Variants in ROBO2 observed in about 807,000 individuals in gnomAD.
ROBO2 encodes the protein roundabout homolog 2.
Under a neutral mutation model 160.8 loss-of-function variants are expected in ROBO2, and 53 were observed. The observed-to-expected ratio is 0.33, with a 90% confidence interval of 0.26 to 0.41. ROBO2 has a LOEUF of 0.41. Ranked by LOEUF, ROBO2 falls within the 10% of genes least tolerant of loss-of-function variation. The pLI, the probability that ROBO2 is intolerant of heterozygous loss-of-function variation, is 1.00. For missense variants in ROBO2, 1,577 were observed against 1,722.4 expected, an observed-to-expected ratio of 0.92 and a Z score of 1.49; for synonymous variants, 664 against 611.7, an observed-to-expected ratio of 1.09 and a Z score of -1.26.
At chr3:76,090,446 C>G (rs1040084461) in intron 2 of ROBO2, among the ~76,000 whole-genome samples, 1 of 150,490 alleles carries the variant, frequency 6.6e-6, no homozygotes, top group Non-Finnish European at 1.5e-5. Context: ...AAAACAAAAA[C>G]AAAAAGCTAA....
intron 2 of ROBO2, among the ~76,000 whole-genome samples, chr3:76,512,139 A>T (rs1159392670): frequency 6.6e-6 from 1 of 151,910 alleles, no homozygotes; most frequent in East Asian, 1.9e-4. Context: ...GAGGCAGATG[A>T]CTCTGGGAGA....
intron 2 of ROBO2, among the ~76,000 whole-genome samples, chr3:76,114,638 G>C (rs919227400): frequency 1.3e-5 from 2 of 151,986 alleles, no homozygotes; most frequent in African/African-American, 4.8e-5. Context: ...CACCCACCTA[G>C]TAAGAGATCA....
At chr3:77,016,125 C>T (rs533514431) in intron 2 of ROBO2, among the ~76,000 whole-genome samples, 3 of 152,078 alleles carry the variant, frequency 2.0e-5, no homozygotes, top group Admixed American at 1.3e-4. Flanking sequence ...TACAGGCGCC[C>T]GCCACCACGC....
At chr3:76,840,534 C>T (rs1014070712) in intron 2 of ROBO2, among the ~76,000 whole-genome samples, 22 of 150,746 alleles carry the variant, frequency 1.5e-4, no homozygotes, top group African/African-American at 5.1e-4. Flanking sequence ...CGCTTGAACC[C>T]AGAAGGTGGA....
At chr3:76,775,063 C>G (rs2062155602) in intron 2 of ROBO2, among the ~76,000 whole-genome samples, 1 of 150,366 alleles carries the variant, frequency 6.7e-6, no homozygotes, top group South Asian at 2.1e-4. Context: ...TACAAAATGA[C>G]CAAATATTTT....
intron 2 of ROBO2, among the ~76,000 whole-genome samples, chr3:76,282,461 C>G (rs1491002919): frequency 1.3e-5 from 2 of 151,940 alleles, no homozygotes; most frequent in African/African-American, 2.4e-5. Flanking sequence ...TCCAATAATA[C>G]TAAAATTGTT....
intron 2 of ROBO2, among the ~76,000 whole-genome samples, chr3:77,128,617 A>C (rs911951472): frequency 3.9e-5 from 6 of 152,338 alleles, no homozygotes; most frequent in African/African-American, 1.4e-4. Flanking sequence ...TATGAATTAC[A>C]TAAATATTTT....
chr3:77,348,427 C>T (rs1007282585), intron 2 of ROBO2, among the ~76,000 whole-genome samples: 5 of 152,110 alleles, frequency 3.3e-5, no homozygotes, highest in Non-Finnish European at 5.9e-5. Flanking sequence ...ACTCTCATCA[C>T]CATCTTGGTT....
chr3:77,640,527 T>C (rs561626116), intron 24 of ROBO2, among the ~76,000 whole-genome samples: 1 of 152,196 alleles, frequency 6.6e-6, no homozygotes, highest in African/African-American at 2.4e-5. Flanking sequence ...GAGTCTGGAG[T>C]TCATGGGAGG....
At chr3:76,082,740 G>A (rs932026544) in intron 2 of ROBO2, among the ~76,000 whole-genome samples, 1 of 151,900 alleles carries the variant, frequency 6.6e-6, no homozygotes, top group Non-Finnish European at 1.5e-5. Context: ...ATCATTACAG[G>A]AATAGTTATC....
chr3:76,879,787 ATGAAAACCATTG>A lies in ROBO2; in HGVS notation c.110-218224_110-218213del, dbSNP rs1410494916. On this transcript the variant is annotated intron_variant, in intron 2 of 26. Transcript: ENST00000487694. The stretch of plus-strand genomic sequence containing the variant: ...TTAACTTTGATTATAGTTATCTGAA[ATGAAAACCATTG>A]TGTTCTAAACTGTTCGTTATCTGTC... Among the ~76,000 whole-genome samples, 4 of 152,268 alleles carry A rather than the reference ATGAAAACCATTG, an allele frequency of 2.6e-5. No individual in the cohort carries two copies. The East Asian group carries it at 7.7e-4, about 29-fold the overall frequency.
At chr3:76,346,354 A>T (rs1263098061) in intron 2 of ROBO2, among the ~76,000 whole-genome samples, 1 of 151,902 alleles carries the variant, frequency 6.6e-6, no homozygotes, top group Non-Finnish European at 1.5e-5. Flanking sequence ...AACAACAACA[A>T]ATGTAGGCTA....
At chr3:76,043,620 CAAAAAA>C (rs56988287) in intron 2 of ROBO2, among the ~76,000 whole-genome samples, 2 of 38,438 alleles carry the variant, frequency 5.2e-5, no homozygotes, top group African/African-American at 1.0e-4. Flanking sequence ...CTTCATCGTC[CAAAAAA>C]AAAAAAAAAA....
intron 23 of ROBO2, among the ~76,000 whole-genome samples, chr3:77,625,966 T>A (rs2095014903): frequency 6.6e-6 from 1 of 151,840 alleles, no homozygotes; most frequent in Non-Finnish European, 1.5e-5. Context: ...AAACAGAGGG[T>A]TTTAAAGCCT....
chr3:77,289,294 C>T (rs919989511), intron 2 of ROBO2, among the ~76,000 whole-genome samples: 18 of 152,156 alleles, frequency 1.2e-4, no homozygotes, highest in East Asian at 1.9e-4. Context: ...GTAAAATTGA[C>T]GGTTAAATGG....
At chr3:76,716,389 T>C (rs2093379661) in intron 2 of ROBO2, among the ~76,000 whole-genome samples, 1 of 152,202 alleles carries the variant, frequency 6.6e-6, no homozygotes, top group Non-Finnish European at 1.5e-5. Context: ...ATCTTTTCCT[T>C]ATCTTTTTTC....
At chr3:76,077,558 A>G (rs776060661) in intron 2 of ROBO2, among the ~76,000 whole-genome samples, 3 of 152,056 alleles carry the variant, frequency 2.0e-5, no homozygotes, top group Admixed American at 2.0e-4. Context: ...GCGAGACTTC[A>G]TCTCAAAATA....
At chr3:76,483,629 C>T (rs2079329253) in intron 2 of ROBO2, among the ~76,000 whole-genome samples, 1 of 152,104 alleles carries the variant, frequency 6.6e-6, no homozygotes. Context: ...ACGCTTGTGT[C>T]ACAGAGGTTT....
chr3:76,229,408 TATC>T (rs35152514), intron 2 of ROBO2, among the ~76,000 whole-genome samples: 50,107 of 151,840 alleles, frequency 0.33, 10,247 homozygotes, highest in Non-Finnish European at 0.45. Context: ...CTATTAGTTG[TATC>T]ATCATTTCAA....
Sources: gnomAD v4.1 joint callset for allele counts (sites outside exome capture counted in the v4.1 genomes callset) on GRCh38, gnomAD v4.1.1 for gene constraint, MANE v1.5 for transcripts, NCBI Gene and HGNC (gene_info 2026-07-23, HGNC 2026-07-21) for gene names.